TRIM5: variants seen among roughly 807,000 people sequenced by gnomAD.
TRIM5 encodes the protein tripartite motif containing 5.
Under a neutral mutation model 35.6 loss-of-function variants are expected in TRIM5, and 31 were observed. That is an observed-to-expected ratio of 0.87 (90% CI 0.65 to 1.18). TRIM5 has a LOEUF of 1.18. Among genes scored for constraint, TRIM5 ranks in the 50% most tolerant of loss-of-function variants. TRIM5 has a pLI of 0.00. For missense variants in TRIM5, 609 were observed against 591.6 expected, an observed-to-expected ratio of 1.03 and a Z score of -0.31; for synonymous variants, 243 against 215.6, an observed-to-expected ratio of 1.13 and a Z score of -1.11.
chr11:5,608,168 T>C, the TRIM5 span, among the ~76,000 whole-genome samples: 2 of 152,174 alleles, frequency 1.3e-5, no homozygotes, highest in Non-Finnish European at 2.9e-5. Context: ...ATCAAGACAC[T>C]GATGAGTCAA....
chr11:5,657,208 G>A, the TRIM5 span, among the ~76,000 whole-genome samples: 1 of 151,922 alleles, frequency 6.6e-6, no homozygotes, highest in Non-Finnish European at 1.5e-5. Context: ...AACTAACACA[G>A]GAACAGAAAA....
At chr11:5,610,840 A>C in the TRIM5 span, 3 of 1,614,198 alleles carry the variant, frequency 1.9e-6, no homozygotes, top group East Asian at 6.7e-5. Flanking sequence ...AACCGGAGAC[A>C]AGTGAGGTTT....
the TRIM5 span, chr11:5,605,234 C>T: frequency 9.3e-6 from 14 of 1,501,618 alleles, no homozygotes; most frequent in Non-Finnish European, 1.3e-5. Context: ...CCCTGGGAGG[C>T]TTGGCCCAGG....
At chr11:5,659,752 C>G (rs535288922), downstream of TRIM5, among the ~76,000 whole-genome samples, 7 of 150,732 alleles carry the variant, frequency 4.6e-5, no homozygotes, top group South Asian at 6.3e-4. Context: ...TTCTCTGAAG[C>G]CTTTTTTTTT....
chr11:5,604,537 A>T, the TRIM5 span: 2 of 1,609,736 alleles, frequency 1.2e-6, no homozygotes. Context: ...CTTCAAGGAG[A>T]AGTTTCAGGA....
chr11:5,640,393 A>G, the TRIM5 span, among the ~76,000 whole-genome samples: 1 of 151,886 alleles, frequency 6.6e-6, no homozygotes, highest in Non-Finnish European at 1.5e-5. Context: ...TGAGATCATC[A>G]TGTGGTTTTC....
At chr11:5,679,004 G>C in intron 3 of TRIM5, 70 bp downstream of exon 3, 2 of 1,263,756 alleles carry the variant, frequency 1.6e-6, no homozygotes, top group South Asian at 2.4e-5. Flanking sequence ...GGAATAAAGA[G>C]GAAGAAAGCT....
chr11:5,643,165 T>G, the TRIM5 span: 1 of 1,554,804 alleles, frequency 6.4e-7, no homozygotes, highest in Non-Finnish European at 8.6e-7. Context: ...CTGAATTCAG[T>G]CAACCTAAAT....
chr11:5,590,160 C>T, the TRIM5 span: 1 of 156,082 alleles, frequency 6.4e-6, no homozygotes, highest in Non-Finnish European at 1.4e-5. Context: ...TGAGCCTTCC[C>T]CCGCCTCCAT....
In TRIM5 at chr11:5,679,966, C is replaced by A; in HGVS notation, c.212G>T (p.Arg71Leu). Residue 71 changes from arginine to leucine, a missense_variant, in exon 2 of 8, where the codon CGG (arginine) becomes CTG (leucine). Transcript: ENST00000380034. Reference protein sequence around the residue: ...SYQPENIRPNRHVANIVEKLR... With the variant: ...SYQPENIRPNLHVANIVEKLR... ...CTTCTCCACTATGTTGGCTACATGC[C>A]GATTAGGCCGTATGTTCTCAGGCTG... 6.2e-7 allele frequency: 1 copy of A among 1,613,986 alleles called. No homozygotes were observed. The highest frequency in any genetic ancestry group is 8.5e-7 in the Non-Finnish European group (1 of 1,179,982).
At position 5,665,041 on chromosome 11, in the gene TRIM5, G is replaced by C. The variant is rs751989109; in HGVS notation, c.1250C>G (p.Ser417Cys). The change falls in exon 8 of 8, where the codon TCC (serine) becomes TGC (cysteine). Residue 417 changes from serine (S) to cysteine (C), a missense_variant. Transcript: ENST00000380034. The part of the protein sequence containing the change: ...GVKCSAFQDS[S>C]FHTPSVPFIV... ...GAAAGGAACAGAAGGAGTATGGAAG[G>C]AACTATCCTGGAAAGCACTACATTT... is the stretch of plus-strand genomic sequence containing the variant. 6 of 1,614,028 alleles carry C rather than the reference G, an allele frequency of 3.7e-6. No individual in the cohort carries two copies. Among genetic ancestry groups the C allele is most frequent in the Non-Finnish European group, 5.1e-6 (6 of 1,180,012 alleles).
chr11:5,673,320 A>T (rs527931087), intron 4 of TRIM5, among the ~76,000 whole-genome samples: 79 of 152,290 alleles, frequency 5.2e-4, no homozygotes, highest in African/African-American at 1.9e-3. Context: ...AAGAACTGCT[A>T]TGTGAGAATA....
chr11:5,637,826 G>A, the TRIM5 span, among the ~76,000 whole-genome samples: 48,175 of 151,986 alleles, frequency 0.32, 8,654 homozygotes, highest in East Asian at 0.62. Context: ...AGTACCTCAT[G>A]TAAGTGGAAT....
chr11:5,596,543 TC>T, the TRIM5 span: 1 of 24,650 alleles, frequency 4.1e-5, no homozygotes, highest in Non-Finnish European at 7.4e-5. Context: ...CCTTCCCCCT[TC>T]CCCCTTCCCC....
chr11:5,608,917 C>G, the TRIM5 span, among the ~76,000 whole-genome samples: 2 of 124,282 alleles, frequency 1.6e-5, no homozygotes, highest in Admixed American at 2.0e-4. Flanking sequence ...GTGGTGTGAT[C>G]TCGGCTCACT....
At chr11:5,594,195 G>T in the TRIM5 span, among the ~76,000 whole-genome samples, 1 of 152,112 alleles carries the variant, frequency 6.6e-6, no homozygotes, top group Admixed American at 6.5e-5. Flanking sequence ...CCGTCAGAAT[G>T]CCCAATCTCC....
chr11:5,651,647 G>A, the TRIM5 span, among the ~76,000 whole-genome samples: 1 of 152,124 alleles, frequency 6.6e-6, no homozygotes, highest in Admixed American at 6.5e-5. Context: ...ATATTCCTTT[G>A]TGTATATACC....
intron 4 of TRIM5, among the ~76,000 whole-genome samples, chr11:5,668,232 A>C (rs1851297458): frequency 6.6e-6 from 1 of 152,162 alleles, no homozygotes; most frequent in Admixed American, 6.5e-5. Flanking sequence ...CTAGGATCAC[A>C]CTACTGCACT....
chr11:5,618,493 G>C, the TRIM5 span, among the ~76,000 whole-genome samples: 1 of 152,132 alleles, frequency 6.6e-6, no homozygotes, highest in Non-Finnish European at 1.5e-5. Context: ...TATTAAACTT[G>C]GGGTCTAGCT....
Sources: allele counts gnomAD v4.1 joint callset (sites outside exome capture counted in the v4.1 genomes callset), GRCh38; gene constraint gnomAD v4.1.1; transcripts MANE v1.5; gene names NCBI Gene and HGNC (gene_info 2026-07-23, HGNC 2026-07-21).